SNED1: variants seen among roughly 807,000 people sequenced by gnomAD.
The protein encoded by SNED1 is sushi, nidogen and EGF-like domain-containing protein 1.
Under a neutral mutation model 166.7 loss-of-function variants are expected in SNED1, and 81 were observed. That is an observed-to-expected ratio of 0.49 (90% confidence interval 0.41 to 0.58). The LOEUF is 0.58. SNED1 is among the 20% of genes least tolerant of loss of function. The pLI, the probability that SNED1 is intolerant of heterozygous loss-of-function variation, is 0.00. For synonymous variants in SNED1, 762 were observed against 822.0 expected (o/e 0.93, Z 1.25); for missense variants, 1,604 against 2,000.2 (o/e 0.80, Z 3.78).
intron 4 of SNED1, 97 bp downstream of exon 4, chr2:241,034,827 GGGAGAGCA>G: frequency 7.5e-7 from 1 of 1,336,012 alleles, no homozygotes; most frequent in Non-Finnish European, 1.0e-6. Flanking sequence ...GATGCTGACG[GGGAGAGCA>G]GGAGCACTTG....
At chr2:241,056,155 T>G (rs1051095407) in intron 16 of SNED1, among the ~76,000 whole-genome samples, 23 of 152,236 alleles carry the variant, frequency 1.5e-4, no homozygotes, top group African/African-American at 5.1e-4. Context: ...ATGAAAAATT[T>G]TCTTTATGTT....
rs1457312239 is a variant in SNED1, at chr2:241,034,569, C to T, written c.644C>T (p.Ala215Val). Residue 215 changes from alanine (A) to valine (V), a missense_variant and splice_region_variant, in exon 4 of 32, where the codon GCT (alanine) becomes GTT (valine). Physicochemically the swap from Ala to Val is moderately conservative, Grantham distance 64. Around this residue, in one of 2 missense-constraint regions of SNED1, gnomAD observed 1,237 missense variants for 1,620.8 expected, o/e 0.76. Coordinates refer to ENST00000310397, the MANE Select transcript of SNED1 (RefSeq NM_001080437.3). ...ATGLGGIAAQAGFNAGDGQRY... is the reference protein window; with the variant it reads ...ATGLGGIAAQVGFNAGDGQRY... ...ACTCTGCCCCCACCCCACCCCCAGG[C>T]TGGCTTCAACGCAGGCGATGGGCAG... 1.3e-6 allele frequency: 2 copies of T among 1,589,548 alleles called. No homozygotes were observed. The highest frequency in any genetic ancestry group is 1.7e-6 in the Non-Finnish European group (2 of 1,164,508).
Position 241,041,132 on chromosome 2 carries a change from CCAT to C in SNED1, c.1273+722_1273+724del, listed in dbSNP as rs777488870. ...TAAGACACAGAGGGTCATGGGCCCT[CCAT>C]CAGTCTTTGCCGAGTGCATGGGAGG... On this transcript the variant is annotated intron_variant, in intron 8 of 31. Transcript: ENST00000310397. 550 of 305,868 alleles carry C rather than the reference CCAT, an allele frequency of 1.8e-3. 5 individuals are homozygous for C. Among genetic ancestry groups the C allele is most frequent in the Non-Finnish European group, 9.0e-4 (143 of 159,102 alleles). 18.9% of individuals were successfully genotyped at this position (305,868 alleles called of 1,614,324 possible). A position where few individuals can be genotyped will look rare whatever the true frequency, so the allele number is the denominator to read the frequency against.
chr2:241,041,042 C>G, intron 8 of SNED1: 1 of 356,218 alleles, frequency 2.8e-6, no homozygotes, highest in Non-Finnish European at 5.7e-6. Context: ...CAGGGAGATG[C>G]TAAAGACAAA....
Position 241,064,834 on chromosome 2 carries a change from C to G in SNED1, c.2600-10C>G. 3.2e-6 allele frequency: 5 copies of G among 1,571,172 alleles called. No individual in the cohort carries two copies. Among genetic ancestry groups the G allele is most frequent in the Non-Finnish European group, 4.3e-6 (5 of 1,163,822 alleles). On this transcript the variant is annotated splice_polypyrimidine_tract_variant and intron_variant, in intron 19 of 31. Transcript: ENST00000310397. This position sits in a 1 kb window ranked among gnomAD's most constrained non-coding sequence, Gnocchi z 7.0. ...GCCCCAACATACACTGCCACTTTTTCTCCCCTCAGTGAGTGACCCCTGCTT... is the reference window on the plus strand; with the variant it reads ...GCCCCAACATACACTGCCACTTTTTGTCCCCTCAGTGAGTGACCCCTGCTT...
intron 16 of SNED1, among the ~76,000 whole-genome samples, chr2:241,056,901 A>C (rs531363255): frequency 6.6e-6 from 1 of 152,280 alleles, no homozygotes; most frequent in South Asian, 2.1e-4. Flanking sequence ...ATGTTTTAAA[A>C]AACAGCATCA....
intron 1 of SNED1, among the ~76,000 whole-genome samples, chr2:241,006,140 A>C (rs1423371763): frequency 6.6e-6 from 1 of 152,120 alleles, no homozygotes; most frequent in Non-Finnish European, 1.5e-5. Flanking sequence ...ATGTTTTCAA[A>C]TTCACTGATT....
chr2:241,065,374 A>G lies in SNED1; in HGVS notation c.2789A>G (p.Asn930Ser), dbSNP rs541627382. 2.2e-5 allele frequency: 36 copies of G among 1,613,036 alleles called. No individual in the cohort carries two copies. The African/African-American group carries it at 3.6e-4, about 16-fold the overall frequency. Residue 930 changes from asparagine to serine, a missense_variant, in exon 21 of 32, where the codon AAT becomes AGT. Around this residue, in one of 2 missense-constraint regions of SNED1, gnomAD observed 1,237 missense variants for 1,620.8 expected, o/e 0.76. Transcript: ENST00000310397. ...GTCTCTATCTCCTGGAACCCGCCCAATGGTCCAGCCGCCAGGCAGATGCTT... is the reference window on the plus strand; with the variant it reads ...GTCTCTATCTCCTGGAACCCGCCCAGTGGTCCAGCCGCCAGGCAGATGCTT... ...SGVSISWNPP[N>S]GPAARQMLDG...
intron 4 of SNED1, among the ~76,000 whole-genome samples, chr2:241,036,204 G>C (rs2061364064): frequency 6.6e-6 from 1 of 151,870 alleles, no homozygotes; most frequent in African/African-American, 2.4e-5. Flanking sequence ...GAGGGCTGCA[G>C]GTGGTGCCGC....
intron 1 of SNED1, among the ~76,000 whole-genome samples, chr2:241,024,838 A>AT (rs1466327726): frequency 1.3e-5 from 2 of 148,284 alleles, no homozygotes; most frequent in South Asian, 2.2e-4. Context: ...ACCTGACTAA[A>AT]TTTTTTTGTA....
chr2:241,046,923 T>C (rs2061663381), intron 8 of SNED1, among the ~76,000 whole-genome samples: 1 of 152,058 alleles, frequency 6.6e-6, no homozygotes, highest in African/African-American at 2.4e-5. Context: ...GGCAGGCGGA[T>C]CACGAGGTCA....
intron 16 of SNED1, among the ~76,000 whole-genome samples, chr2:241,056,530 C>G (rs1037991794): frequency 1.4e-5 from 2 of 145,880 alleles, no homozygotes; most frequent in Non-Finnish European, 1.5e-5. Context: ...AACTGCAGAT[C>G]AGAGAGAAAA....
At chr2:241,050,432 C>A (rs755763019) in intron 12 of SNED1, among the ~76,000 whole-genome samples, 1 of 152,112 alleles carries the variant, frequency 6.6e-6, no homozygotes, top group Non-Finnish European at 1.5e-5. Flanking sequence ...CACCCCCAGA[C>A]CTGTTCAGCA....
At chr2:241,081,602 G>C (rs2063332961) in intron 27 of SNED1, 75 bp from the exon 28 acceptor site, 1 of 1,071,980 alleles carries the variant, frequency 9.3e-7, no homozygotes, top group Non-Finnish European at 1.4e-6. Context: ...CATCAAGGAA[G>C]GGACAGCAAC....
At position 241,063,642 on chromosome 2, in the gene SNED1, C is replaced by T. The variant is rs2062315918; in HGVS notation, c.2427C>T (p.Leu809=). ...PCRNGGSCRN[L]PGAYVCRCPA... ...GAAATGGAGGGTCCTGCAGGAACCTCCCAGGGGCCTATGTCTGCCGGTGCC... is the reference window on the plus strand; with the variant it reads ...GAAATGGAGGGTCCTGCAGGAACCTTCCAGGGGCCTATGTCTGCCGGTGCC... The change falls in exon 18 of 32, where the codon CTC becomes CTT. Residue 809 remains leucine, a synonymous_variant. Coordinates refer to ENST00000310397, the MANE Select transcript of SNED1 (RefSeq NM_001080437.3). The T allele has an allele frequency of 6.2e-7, 1 of 1,612,522 alleles. No individual in the cohort carries two copies. Among genetic ancestry groups the T allele is most frequent in the Non-Finnish European group, 8.5e-7 (1 of 1,179,372 alleles).
intron 29 of SNED1, among the ~76,000 whole-genome samples, chr2:241,086,050 A>T (rs1460535049): frequency 1.3e-5 from 2 of 151,854 alleles, no homozygotes; most frequent in Non-Finnish European, 2.9e-5. Flanking sequence ...GTATTTTAGT[A>T]GAGACAGGGT....
intron 1 of SNED1, among the ~76,000 whole-genome samples, chr2:241,027,198 A>G (rs2060996788): frequency 6.6e-6 from 1 of 151,992 alleles, no homozygotes; most frequent in Non-Finnish European, 1.5e-5. Context: ...CTTGTGCTTC[A>G]GCCTCCTGAG....
At position 240,999,005 on chromosome 2, in the gene SNED1, C is replaced by A; in HGVS notation, c.168C>A (p.Leu56=). ...QDDGGSGLRP[L]SVPFPFFGAE... The stretch of plus-strand genomic sequence containing the variant: ...ACGGCGGCTCGGGGCTGCGGCCGCT[C>A]TCGGTGCCCTTCCCGTTCTTCGGTG... Residue 56 remains leucine, a synonymous_variant, in exon 1 of 32, where the codon CTC becomes CTA. Transcript: ENST00000310397. The surrounding 1 kb of genome is among the most constrained non-coding windows in gnomAD (Gnocchi z 5.8). 7.5e-7 allele frequency: 1 copy of A among 1,326,018 alleles called. No individual in the cohort carries two copies. Among genetic ancestry groups the A allele is most frequent in the South Asian group, 1.8e-5 (1 of 55,396 alleles). 82.1% of individuals were successfully genotyped at this position (1,326,018 alleles called of 1,614,324 possible).
At chr2:241,065,807 A>G (rs931515066) in intron 21 of SNED1, among the ~76,000 whole-genome samples, 53 of 152,150 alleles carry the variant, frequency 3.5e-4, no homozygotes, top group African/African-American at 1.3e-3. Flanking sequence ...CAGGCATGGG[A>G]TTGGGGCGCA....
Sources: gnomAD v4.1 joint callset for allele counts (sites outside exome capture counted in the v4.1 genomes callset) on GRCh38, gnomAD v4.1.1 for gene constraint, gnomAD v4.1.1 regional missense constraint, Gnocchi (gnomAD v3.1) non-coding constraint, MANE v1.5 for transcripts, NCBI Gene and HGNC (gene_info 2026-07-23, HGNC 2026-07-21) for gene names.